The following TDRD9 variants were observed in gnomAD, a reference collection of about 807,000 sequenced individuals.
TDRD9 encodes tudor domain containing 9, also known as ATP-dependent RNA helicase TDRD9.
TDRD9 carries 124 observed loss-of-function variants against 172.6 expected under a neutral mutation model. The observed-to-expected ratio is 0.72, with a 90% confidence interval of 0.62 to 0.83. The LOEUF is 0.83. TDRD9 is among the 40% of genes least tolerant of loss of function. The probability of loss-of-function intolerance (pLI) is 0.00; values close to 1 mark genes in which losing one functional copy is unlikely to be tolerated. For synonymous variants in TDRD9, 619 were observed against 617.1 expected (o/e 1.00, Z -0.05); for missense variants, 1,479 against 1,714.1 (o/e 0.86, Z 2.42).
rs754715386 is a variant in TDRD9 at position 104,049,651 on chromosome 14, T to A, written c.4018T>A (p.Trp1340Arg). 2 of 1,590,576 alleles carry A rather than the reference T, an allele frequency of 1.3e-6. No homozygotes were observed. Among genetic ancestry groups the A allele is most frequent in the Non-Finnish European group, 1.7e-6 (2 of 1,168,482 alleles). The change falls in exon 35 of 36, where the codon TGG becomes AGG. Residue 1340 changes from tryptophan (W) to arginine (R), a missense_variant. Trp to Arg is a moderately radical substitution (Grantham distance 101). Coordinates refer to ENST00000409874, the MANE Select transcript of TDRD9 (RefSeq NM_153046.3). The part of the protein sequence containing the change: ...SKPREKIVPK[W>R]HEKPYEWNQV... ...ACCAAGGGAGAAGATTGTTCCCAAG[T>A]GGCATGAAAAGCCCTACGAGTGGAA...
At chr14:104,051,742 T>C (rs963482516) in intron 35 of TDRD9, among the ~76,000 whole-genome samples, 1 of 152,262 alleles carries the variant, frequency 6.6e-6, no homozygotes, top group Non-Finnish European at 1.5e-5. Flanking sequence ...GGCCCTTCAG[T>C]GTCTTCTTTT....
chr14:103,949,804 C>T (rs1488722777), intron 1 of TDRD9, among the ~76,000 whole-genome samples: 6 of 152,086 alleles, frequency 3.9e-5, no homozygotes, highest in South Asian at 2.1e-4. Flanking sequence ...CTCAGCCTCC[C>T]GAGTAGCTGG....
intron 7 of TDRD9, among the ~76,000 whole-genome samples, chr14:103,976,850 CTT>C (rs2033267321): frequency 6.6e-6 from 1 of 152,010 alleles, no homozygotes; most frequent in East Asian, 1.9e-4. Context: ...CATATTTTGT[CTT>C]TTATTTTTAC....
chr14:104,007,283 G>T lies in TDRD9; in HGVS notation c.2052+79G>T, dbSNP rs556535420. ...GACTCTGTCTTGGTACAGTCATAGC[G>T]TGTGAATCATGACGGTGCCACCTGC... On this transcript the variant is annotated intron_variant, in intron 19 of 35. Transcript: ENST00000409874. 2.0e-5 allele frequency: 28 copies of T among 1,397,692 alleles called. No individual in the cohort carries two copies. In the East Asian group the frequency reaches 6.3e-4, roughly 31 times the overall value. 86.6% of individuals were successfully genotyped at this position (1,397,692 alleles called of 1,614,324 possible).
Position 104,022,348 on chromosome 14 carries a change from G to C in TDRD9, c.2606+18G>C. The C allele has an allele frequency of 6.2e-7, 1 of 1,606,156 alleles. No individual in the cohort carries two copies. The highest frequency in any genetic ancestry group is 1.3e-5 in the African/African-American group (1 of 74,778). ...AACACAAGGTATTTTCGGGAGGGAG[G>C]TGGCAGACAGGCCGTGCCTGCTTTC... On this transcript the variant is annotated intron_variant, in intron 24 of 35. Transcript: ENST00000409874.
intron 6 of TDRD9, among the ~76,000 whole-genome samples, chr14:103,972,538 T>G (rs1052491435): frequency 1.1e-4 from 16 of 152,180 alleles, no homozygotes; most frequent in Non-Finnish European, 2.1e-4. Flanking sequence ...TTAGAATAAT[T>G]GTGCAGTCTA....
At chr14:104,029,668 T>C (rs1233440828) in intron 28 of TDRD9, among the ~76,000 whole-genome samples, 1 of 152,196 alleles carries the variant, frequency 6.6e-6, no homozygotes, top group Non-Finnish European at 1.5e-5. Context: ...CCTTTCTTTC[T>C]TCCTCTTGCC....
At chr14:104,025,899 GT>G in intron 26 of TDRD9, 123 bp downstream of exon 26, 1 of 1,022,694 alleles carries the variant, frequency 9.8e-7, no homozygotes, top group Non-Finnish European at 1.5e-6. Context: ...AAAGTAGTCT[GT>G]TTCCCTCATT....
rs61410445 is a variant in TDRD9 at position 103,952,220 on chromosome 14, ATTTT to A, written c.216-3409_216-3406del. 4.8e-3 allele frequency among the ~76,000 whole-genome samples: 155 copies of A among 32,172 alleles called. 2 individuals are homozygous for A. Among genetic ancestry groups the A allele is most frequent in the South Asian group, 0.011 (9 of 804 alleles). 21.1% of individuals were successfully genotyped at this position (32,172 alleles called of 152,430 possible). On this transcript the variant is annotated intron_variant, in intron 1 of 35. Transcript: ENST00000409874. ...TATATATATATATATATATATATAT[ATTTT>A]TTTTTTTTTTTTTTTTTTTTTTTTT... is the stretch of plus-strand genomic sequence containing the variant.
At position 103,997,092 on chromosome 14, in the gene TDRD9, C is replaced by A. The variant is rs2034084862; in HGVS notation, c.1378+1285C>A. Among the ~76,000 whole-genome samples, 1 of 152,148 alleles carries A rather than the reference C, an allele frequency of 6.6e-6. No homozygotes were observed. The highest frequency in any genetic ancestry group is 1.5e-5 in the Non-Finnish European group (1 of 68,034). ...GCAGGGCCCATAGGACCTGGTACAA[C>A]CTTGCTGTGCTGGGCAAGATGGAAA... is the stretch of plus-strand genomic sequence containing the variant. On this transcript the variant is annotated intron_variant, in intron 12 of 35. Coordinates refer to ENST00000409874, the MANE Select transcript of TDRD9 (RefSeq NM_153046.3). This position sits in a 1 kb window ranked among gnomAD's most constrained non-coding sequence, Gnocchi z 5.1.
chr14:103,991,040 A>G, intron 8 of TDRD9, 120 bp from the exon 9 acceptor site: 1 of 1,151,938 alleles, frequency 8.7e-7, no homozygotes, highest in South Asian at 1.5e-5. Flanking sequence ...AATAAGGAAC[A>G]TTACATTGGA....
At chr14:104,009,590 A>C (rs934368315) in intron 20 of TDRD9, among the ~76,000 whole-genome samples, 1 of 152,204 alleles carries the variant, frequency 6.6e-6, no homozygotes, top group Non-Finnish European at 1.5e-5. Context: ...TAAGTTCATA[A>C]AAATTTTTAA....
At chr14:103,989,059 A>G (rs1160950427) in intron 8 of TDRD9, among the ~76,000 whole-genome samples, 1 of 127,918 alleles carries the variant, frequency 7.8e-6, no homozygotes, top group Non-Finnish European at 1.7e-5. Flanking sequence ...GGTCTGCTAG[A>G]TACTCTCATT....
At chr14:103,933,012 GGTGA>G (rs1349984029) in intron 1 of TDRD9, among the ~76,000 whole-genome samples, 2 of 152,248 alleles carry the variant, frequency 1.3e-5, no homozygotes, top group South Asian at 2.1e-4. Context: ...TCATGCTGAA[GGTGA>G]GTAACACCTT....
intron 4 of TDRD9, 103 bp from the exon 5 acceptor site, chr14:103,966,606 T>C (rs2032758068): frequency 8.8e-7 from 1 of 1,133,820 alleles, no homozygotes; most frequent in Admixed American, 3.0e-5. Context: ...TCTTTCGAAA[T>C]ACCTTAATTT....
chr14:104,048,024 G>A (rs890076868), intron 34 of TDRD9, among the ~76,000 whole-genome samples: 3 of 152,028 alleles, frequency 2.0e-5, no homozygotes, highest in Non-Finnish European at 1.5e-5. Context: ...TCTGTGTGTG[G>A]GCCACACATT....
chr14:103,941,019 G>C, intron 1 of TDRD9: 1 of 1,535,292 alleles, frequency 6.5e-7, no homozygotes, highest in Non-Finnish European at 8.7e-7. Flanking sequence ...TGTCAGAGCT[G>C]CTTAGGAAGT....
chr14:104,025,382 AGGG>A (rs2035084409), intron 25 of TDRD9, among the ~76,000 whole-genome samples, 179 bp from the exon 26 acceptor site: 2 of 152,224 alleles, frequency 1.3e-5, no homozygotes, highest in Non-Finnish European at 2.9e-5. Flanking sequence ...TTAGTTCACC[AGGG>A]GACCCCCTCT....
intron 10 of TDRD9, 47 bp from the exon 11 acceptor site, chr14:103,994,472 C>T: frequency 6.2e-7 from 1 of 1,604,246 alleles, no homozygotes; most frequent in Non-Finnish European, 8.5e-7. Context: ...TTTTGTATCT[C>T]ATGTATATCT....
Sources: allele counts gnomAD v4.1 joint callset (sites outside exome capture counted in the v4.1 genomes callset), GRCh38; gene constraint gnomAD v4.1.1; non-coding constraint Gnocchi (gnomAD v3.1); transcripts MANE v1.5; gene names NCBI Gene and HGNC (gene_info 2026-07-23, HGNC 2026-07-21).